ZAP70: variants seen among roughly 807,000 people sequenced by gnomAD.
ZAP70 encodes zeta chain of T cell receptor associated protein kinase 70, also known as tyrosine-protein kinase ZAP-70.
A neutral mutation model predicts 65.8 loss-of-function variants in ZAP70; 27 were observed. The observed-to-expected ratio is 0.41, with a 90% CI of 0.30 to 0.57. The LOEUF is 0.57. Among genes scored for constraint, ZAP70 ranks in the 20% least tolerant of loss-of-function variants. ZAP70 has a pLI of 0.28. For synonymous variants in ZAP70, 363 were observed against 360.8 expected (o/e 1.01, Z -0.07); for missense variants, 696 against 870.5 (o/e 0.80, Z 2.52).
At chr2:97,727,639 G>T (rs532615556) in intron 4 of ZAP70, among the ~76,000 whole-genome samples, 2 of 152,192 alleles carry the variant, frequency 1.3e-5, no homozygotes, top group Admixed American at 6.5e-5. Context: ...TCCTATTGAT[G>T]TAGCTGATTC....
At chr2:97,718,004 G>A (rs987228494) in intron 2 of ZAP70, among the ~76,000 whole-genome samples, 9 of 152,198 alleles carry the variant, frequency 5.9e-5, no homozygotes, top group Non-Finnish European at 2.9e-5. Flanking sequence ...GTAAGTTCTG[G>A]GAAGGCCAAA....
chr2:97,727,594 C>T (rs1677440333), intron 4 of ZAP70, among the ~76,000 whole-genome samples: 1 of 152,192 alleles, frequency 6.6e-6, no homozygotes, highest in Admixed American at 6.5e-5. Context: ...AGGGGCTCTC[C>T]CCAGGCTGGA....
the ZAP70 span, among the ~76,000 whole-genome samples, chr2:97,747,764 A>T: frequency 6.7e-6 from 1 of 150,368 alleles, no homozygotes; most frequent in African/African-American, 2.5e-5. Context: ...AGTGTGAAAA[A>T]ATCCTGCTGT....
At chr2:97,739,195 C>T (rs1393680521) in intron 13 of ZAP70, among the ~76,000 whole-genome samples, 180 bp from the exon 14 acceptor site, 1 of 151,224 alleles carries the variant, frequency 6.6e-6, no homozygotes, top group Admixed American at 6.6e-5. Context: ...TGTGGCATTG[C>T]CCAACGCTCT....
chr2:97,720,839 C>A (rs914378882), intron 2 of ZAP70, among the ~76,000 whole-genome samples: 3 of 152,174 alleles, frequency 2.0e-5, no homozygotes, highest in African/African-American at 7.2e-5. Context: ...AGTGCAGATC[C>A]TGGCCCCTCC....
In ZAP70 at chr2:97,733,118, C is replaced by T; in HGVS notation, c.703-7C>T. 2 of 1,613,992 alleles carry T rather than the reference C, an allele frequency of 1.2e-6. No homozygotes were observed. Among genetic ancestry groups the T allele is most frequent in the South Asian group, 1.1e-5 (1 of 91,090 alleles). ...GAGCCTCTCTGCTAGCTGCCTGCTCCCTGCAGCTGGTGGAGTATCTGAAGC... is the reference window on the plus strand; with the variant it reads ...GAGCCTCTCTGCTAGCTGCCTGCTCTCTGCAGCTGGTGGAGTATCTGAAGC... On this transcript the variant is annotated splice_region_variant and splice_polypyrimidine_tract_variant and intron_variant, in intron 5 of 13. Coordinates refer to ENST00000264972, the MANE Select transcript of ZAP70 (RefSeq NM_001079.4).
At chr2:97,748,554 C>A in the ZAP70 span, among the ~76,000 whole-genome samples, 1 of 152,118 alleles carries the variant, frequency 6.6e-6, no homozygotes, top group Non-Finnish European at 1.5e-5. Flanking sequence ...GAACCAGGGT[C>A]TTTCTCACTT....
chr2:97,737,208 G>A lies in ZAP70; in HGVS notation c.1290-265G>A, dbSNP rs1677927342. Among the ~76,000 whole-genome samples the A allele has an allele frequency of 6.6e-6, 1 of 152,106 alleles. No homozygotes were observed. The highest frequency in any genetic ancestry group is 1.5e-5 in the Non-Finnish European group (1 of 68,014). On this transcript the variant is annotated intron_variant, in intron 10 of 13. Coordinates refer to ENST00000264972, the MANE Select transcript of ZAP70 (RefSeq NM_001079.4). This position sits in a 1 kb window ranked among gnomAD's most constrained non-coding sequence, Gnocchi z 5.0. ...GATGCCTGTGAGACCTCAGCACGTC[G>A]AGGGTGCAGGCATAGGTCTAGACTT...
At chr2:97,719,564 C>A (rs1355630844) in intron 2 of ZAP70, among the ~76,000 whole-genome samples, 1 of 145,090 alleles carries the variant, frequency 6.9e-6, no homozygotes, top group Non-Finnish European at 1.5e-5. Context: ...GGGGGGGGGG[C>A]GCAGACCAGG....
the ZAP70 span, among the ~76,000 whole-genome samples, chr2:97,754,497 G>A: frequency 6.6e-6 from 1 of 152,072 alleles, no homozygotes; most frequent in African/African-American, 2.4e-5. Context: ...CCACCTCCCA[G>A]GTTCAAGTAA....
chr2:97,724,761 G>A, intron 3 of ZAP70: 1 of 1,505,268 alleles, frequency 6.6e-7, no homozygotes, highest in South Asian at 1.2e-5. Context: ...CGCGGGGCTA[G>A]GGTGAGCCCT....
At chr2:97,735,075 C>T in intron 9 of ZAP70, 175 bp from the exon 10 acceptor site, 3 of 781,766 alleles carry the variant, frequency 3.8e-6, no homozygotes, top group Non-Finnish European at 6.2e-6. Context: ...TGTGAGCCGT[C>T]CTCAGCAGAC....
chr2:97,743,121 CACAT>C (rs1258765129), downstream of ZAP70, among the ~76,000 whole-genome samples: 2 of 152,310 alleles, frequency 1.3e-5, no homozygotes, highest in African/African-American at 4.8e-5. Flanking sequence ...GAGAAGAAAG[CACAT>C]ACATTCATCC....
intron 9 of ZAP70, chr2:97,734,967 CG>C (rs1208342911): frequency 4.6e-6 from 3 of 656,360 alleles, no homozygotes; most frequent in Non-Finnish European, 7.7e-6. Context: ...GTGGGGTCCC[CG>C]ATCCCTGAGT....
chr2:97,741,354 G>T (rs62157588), downstream of ZAP70, among the ~76,000 whole-genome samples: 67,208 of 152,050 alleles, frequency 0.44, 15,816 homozygotes, highest in Non-Finnish European at 0.5. Context: ...TCCCCTCTGG[G>T]CCTCTGCATT....
At chr2:97,752,526 G>A in the ZAP70 span, among the ~76,000 whole-genome samples, 5 of 152,184 alleles carry the variant, frequency 3.3e-5, no homozygotes, top group African/African-American at 1.2e-4. Context: ...TCTCAAGACC[G>A]GTGAGATCAC....
At chr2:97,718,306 T>C (rs1025954418) in intron 2 of ZAP70, among the ~76,000 whole-genome samples, 5 of 152,070 alleles carry the variant, frequency 3.3e-5, no homozygotes, top group African/African-American at 1.2e-4. Flanking sequence ...TCGGTGCAGC[T>C]CACTGACAGC....
intron 2 of ZAP70, among the ~76,000 whole-genome samples, chr2:97,717,253 G>A: frequency 7.0e-6 from 1 of 142,198 alleles, no homozygotes; most frequent in African/African-American, 3.0e-5. Flanking sequence ...ACAGGGTGGT[G>A]GGGGGGCAGT....
Position 97,735,395 on chromosome 2 carries a change from C to T in ZAP70, c.1228C>T (p.Leu410Phe), listed in dbSNP as rs201100932. Residue 410 changes from leucine to phenylalanine, a missense_variant, in exon 10 of 14, where the codon CTC (leucine) becomes TTC (phenylalanine). By Grantham distance (22) the Leu-to-Phe change is conservative. This residue lies in a region of ZAP70 where 551 missense variants were observed against 630.0 expected (regional missense o/e 0.87). Coordinates refer to ENST00000264972, the MANE Select transcript of ZAP70 (RefSeq NM_001079.4). ...CATTGGCGTCTGCCAGGCCGAGGCC[C>T]TCATGCTGGTCATGGAGATGGCTGG... ...RLIGVCQAEA[L>F]MLVMEMAGGG... 3 of 1,614,054 alleles carry T rather than the reference C, an allele frequency of 1.9e-6. No individual in the cohort carries two copies. In the South Asian group the frequency reaches 3.3e-5, roughly 18 times the overall value.
Sources: gnomAD v4.1 joint callset for allele counts (sites outside exome capture counted in the v4.1 genomes callset) on GRCh38, gnomAD v4.1.1 for gene constraint, gnomAD v4.1.1 regional missense constraint, Gnocchi (gnomAD v3.1) non-coding constraint, MANE v1.5 for transcripts, NCBI Gene and HGNC (gene_info 2026-07-23, HGNC 2026-07-21) for gene names.